Variants in ANKRD45 observed in about 807,000 individuals in gnomAD.
ANKRD45 encodes the protein ankyrin repeat domain-containing protein 45.
Under a neutral mutation model 28.1 loss-of-function variants are expected in ANKRD45, and 21 were observed. The observed-to-expected ratio is 0.75, with a 90% CI of 0.53 to 1.08. ANKRD45 has a LOEUF of 1.08. Ranked by LOEUF, ANKRD45 falls within the 50% of genes least tolerant of loss-of-function variation. The pLI is 0.00. For synonymous variants in ANKRD45, 86 were observed against 103.9 expected (o/e 0.83, Z 1.05); for missense variants, 261 against 308.7 (o/e 0.85, Z 1.16).
the ANKRD45 span, among the ~76,000 whole-genome samples, chr1:173,680,179 C>A: frequency 6.6e-6 from 1 of 152,120 alleles, no homozygotes; most frequent in Admixed American, 6.5e-5. Context: ...CCCAGCAATC[C>A]CATTACTGGG....
chr1:173,626,483 T>C (rs377697107), intron 4 of ANKRD45, among the ~76,000 whole-genome samples: 55 of 152,328 alleles, frequency 3.6e-4, no homozygotes, highest in Admixed American at 1.2e-3. Flanking sequence ...ACATATATAC[T>C]AAAATATACA....
At chr1:173,615,511 A>G (rs1336564834) in intron 5 of ANKRD45, among the ~76,000 whole-genome samples, 1 of 152,170 alleles carries the variant, frequency 6.6e-6, no homozygotes, top group East Asian at 1.9e-4. Flanking sequence ...TCATTCAGAC[A>G]TGAATTATAA....
chr1:173,695,773 C>T, the ANKRD45 span, among the ~76,000 whole-genome samples: 8 of 152,078 alleles, frequency 5.3e-5, no homozygotes, highest in Admixed American at 5.2e-4. Flanking sequence ...TTTGAGAAGT[C>T]TCCAACTTCT....
the ANKRD45 span, among the ~76,000 whole-genome samples, chr1:173,687,333 A>C: frequency 5.3e-5 from 8 of 152,268 alleles, no homozygotes; most frequent in African/African-American, 1.9e-4. Context: ...ACTTTCACAG[A>C]CAATTCTTTG....
chr1:173,706,199 GGCT>G, the ANKRD45 span, among the ~76,000 whole-genome samples: 1 of 151,262 alleles, frequency 6.6e-6, no homozygotes, highest in South Asian at 2.1e-4. Flanking sequence ...CTACTCAGGA[GGCT>G]GAGGTAGGAG....
chr1:173,688,428 T>C, the ANKRD45 span, among the ~76,000 whole-genome samples: 3 of 103,442 alleles, frequency 2.9e-5, no homozygotes, highest in African/African-American at 3.9e-5. Context: ...CTCTGCCTCT[T>C]CCTCTCTCTC....
At chr1:173,698,687 T>C in the ANKRD45 span, among the ~76,000 whole-genome samples, 1 of 152,164 alleles carries the variant, frequency 6.6e-6, no homozygotes, top group Non-Finnish European at 1.5e-5. Context: ...AAGGGAAATT[T>C]ATAGCAATAA....
chr1:173,666,770 T>A (rs1467584377), intron 1 of ANKRD45, among the ~76,000 whole-genome samples: 1 of 152,116 alleles, frequency 6.6e-6, no homozygotes, highest in Non-Finnish European at 1.5e-5. Context: ...AATTTTTTTT[T>A]TAGACAAGAT....
At chr1:173,711,942 C>T in the ANKRD45 span, among the ~76,000 whole-genome samples, 2 of 152,126 alleles carry the variant, frequency 1.3e-5, no homozygotes, top group Admixed American at 1.3e-4. Flanking sequence ...TTATCCTGGA[C>T]AGGAGTTTTA....
the ANKRD45 span, among the ~76,000 whole-genome samples, chr1:173,688,799 C>CTCTCTTTCTGCCTCTTTCCTCTCTG: frequency 1.3e-5 from 2 of 151,908 alleles, no homozygotes; most frequent in Non-Finnish European, 2.9e-5. Context: ...CTGTCTCTCT[C>CTCTCTTTCTGCCTCTTTCCTCTCTG]TCTCTTTCTG....
chr1:173,610,336 T>TTG, intron 5 of ANKRD45, 121 bp from the exon 6 acceptor site: 1 of 875,208 alleles, frequency 1.1e-6, no homozygotes. Context: ...AACCAGCTAC[T>TTG]AATTCAACCC....
chr1:173,692,107 T>G, the ANKRD45 span, among the ~76,000 whole-genome samples: 251 of 151,832 alleles, frequency 1.7e-3, 2 homozygotes, highest in Non-Finnish European at 2.6e-3. Context: ...TAGGGTGGAG[T>G]AGGTAGTCGA....
At chr1:173,666,935 T>G (rs753394522) in intron 1 of ANKRD45, among the ~76,000 whole-genome samples, 1 of 152,078 alleles carries the variant, frequency 6.6e-6, no homozygotes, top group Non-Finnish European at 1.5e-5. Context: ...AATTTTTCTG[T>G]AGAGACAGGG....
intron 2 of ANKRD45, among the ~76,000 whole-genome samples, chr1:173,653,258 C>G (rs1017368293): frequency 2.0e-5 from 3 of 152,200 alleles, no homozygotes; most frequent in Non-Finnish European, 4.4e-5. Flanking sequence ...TTCCTCTACA[C>G]ACTGCTTTAA....
intron 5 of ANKRD45, among the ~76,000 whole-genome samples, chr1:173,615,063 C>T (rs1053292984): frequency 2.0e-5 from 3 of 152,092 alleles, no homozygotes; most frequent in African/African-American, 7.2e-5. Context: ...CAGTAATCCA[C>T]CCGCCTCAGC....
At chr1:173,652,247 CTTA>C (rs1340694248) in intron 2 of ANKRD45, among the ~76,000 whole-genome samples, 3 of 152,058 alleles carry the variant, frequency 2.0e-5, no homozygotes, top group African/African-American at 7.2e-5. Flanking sequence ...ATAAATAGCT[CTTA>C]TTATTTTGAG....
rs117552597 is a variant in ANKRD45, at chr1:173,646,918, G to A, written c.424C>T (p.Arg142Trp). 468 of 1,614,068 alleles carry A rather than the reference G, an allele frequency of 2.9e-4. No homozygotes were observed. Among genetic ancestry groups the A allele is most frequent in the South Asian group, 6.7e-4 (61 of 91,078 alleles). Reference protein sequence around the residue: ...LDVDIEALNFREERARDVAAR... With the variant: ...LDVDIEALNFWEERARDVAAR... ...GCAACATCTCGAGCCCTTTCTTCCC[G>A]GAAGTTCAAAGCTTCTATATCAACA... Residue 142 changes from arginine (R) to tryptophan (W), a missense_variant, in exon 3 of 6, where the codon CGG becomes TGG. Transcript: ENST00000333279.
intron 2 of ANKRD45, among the ~76,000 whole-genome samples, chr1:173,651,636 T>G (rs1473561440): frequency 6.6e-6 from 1 of 152,162 alleles, no homozygotes; most frequent in Non-Finnish European, 1.5e-5. Context: ...GTGAAGAAAG[T>G]CATTGGTAGC....
At chr1:173,714,273 G>T in the ANKRD45 span, among the ~76,000 whole-genome samples, 1 of 152,106 alleles carries the variant, frequency 6.6e-6, no homozygotes, top group African/African-American at 2.4e-5. Context: ...GGAAAATCTG[G>T]AGGAAAAGAT....
Sources: gnomAD v4.1 joint callset for allele counts (sites outside exome capture counted in the v4.1 genomes callset) on GRCh38, gnomAD v4.1.1 for gene constraint, MANE v1.5 for transcripts, NCBI Gene and HGNC (gene_info 2026-07-23, HGNC 2026-07-21) for gene names.